Variants in C1orf21 observed in about 807,000 individuals in gnomAD.
C1orf21 encodes the protein uncharacterized protein C1orf21.
In C1orf21, 3 loss-of-function variants were observed where a neutral mutation model predicts 18.7. The ratio of observed to expected loss-of-function variants is 0.16; its 90% CI spans 0.07 to 0.42. The LOEUF (loss-of-function observed/expected upper bound fraction) is 0.42. C1orf21 is among the 10% of genes least tolerant of loss of function. C1orf21 has a pLI of 0.99. For missense variants in C1orf21, 104 were observed against 143.6 expected (o/e 0.72, Z 1.41); for synonymous variants, 41 against 46.4 (o/e 0.88, Z 0.47).
intron 5 of C1orf21, among the ~76,000 whole-genome samples, chr1:184,611,116 C>A (rs4651223): frequency 1.4e-4 from 21 of 151,962 alleles, no homozygotes; most frequent in African/African-American, 5.1e-4. Context: ...AACAATAACA[C>A]GTGAGTCTAA....
intron 1 of C1orf21, among the ~76,000 whole-genome samples, chr1:184,458,783 G>A (rs1657258643): frequency 6.6e-6 from 1 of 152,114 alleles, no homozygotes. Context: ...AGAGGTTAAA[G>A]GGCATTAAAC....
At chr1:184,581,883 A>G (rs1659281934) in intron 3 of C1orf21, among the ~76,000 whole-genome samples, 1 of 152,266 alleles carries the variant, frequency 6.6e-6, no homozygotes, top group Non-Finnish European at 1.5e-5. Context: ...TTTAATTTAT[A>G]GAAAAATAAC....
chr1:184,568,394 C>T, intron 3 of C1orf21: 1 of 469,336 alleles, frequency 2.1e-6, no homozygotes, highest in Non-Finnish European at 4.4e-6. Flanking sequence ...TCGCTGTTCC[C>T]AGTCACTGGC....
chr1:184,543,762 G>T (rs1055525445), intron 3 of C1orf21, among the ~76,000 whole-genome samples: 1 of 152,170 alleles, frequency 6.6e-6, no homozygotes, highest in African/African-American at 2.4e-5. Flanking sequence ...TGGGGTTGCT[G>T]GTGGTAGGAG....
chr1:184,504,369 G>A (rs927193342), intron 2 of C1orf21, among the ~76,000 whole-genome samples: 23 of 152,106 alleles, frequency 1.5e-4, no homozygotes, highest in Non-Finnish European at 8.8e-5. Flanking sequence ...TGGCTGTAAC[G>A]GTGGCTGTCT....
At chr1:184,485,799 A>G (rs1276579521) in intron 2 of C1orf21, among the ~76,000 whole-genome samples, 3 of 152,300 alleles carry the variant, frequency 2.0e-5, no homozygotes, top group Admixed American at 6.5e-5. Flanking sequence ...TTTTGCTGGC[A>G]TAAGGAAGCT....
At chr1:184,505,620 A>T (rs1396879810) in intron 2 of C1orf21, among the ~76,000 whole-genome samples, 2 of 151,684 alleles carry the variant, frequency 1.3e-5, no homozygotes, top group Non-Finnish European at 2.9e-5. Context: ...AAAATTAGCC[A>T]GGCATGGTAG....
At chr1:184,516,484 C>G (rs1658230475) in intron 3 of C1orf21, among the ~76,000 whole-genome samples, 1 of 152,122 alleles carries the variant, frequency 6.6e-6, no homozygotes, top group African/African-American at 2.4e-5. Flanking sequence ...ATGCTGCTGA[C>G]AAAGACATAC....
At chr1:184,488,885 A>G (rs1657771597) in intron 2 of C1orf21, among the ~76,000 whole-genome samples, 1 of 152,158 alleles carries the variant, frequency 6.6e-6, no homozygotes, top group Non-Finnish European at 1.5e-5. Context: ...GAATTGCTTG[A>G]ACCCAGGAGG....
rs114778010 is a variant in C1orf21 at position 184,408,736 on chromosome 1, T to C, written c.-125+21368T>C. The stretch of plus-strand genomic sequence containing the variant: ...AATCTCTGATAAGCTGCTAACTAGA[T>C]AGAAAGTGAAGGCAATTCCCCTGAA... On this transcript the variant is annotated intron_variant, in intron 1 of 5. Coordinates refer to ENST00000235307, the MANE Select transcript of C1orf21 (RefSeq NM_030806.4). Among the ~76,000 whole-genome samples, 502 of 152,290 alleles carry C rather than the reference T, an allele frequency of 3.3e-3. 1 individual carries two copies. Among genetic ancestry groups the C allele is most frequent in the African/African-American group, 0.011 (467 of 41,564 alleles).
intron 3 of C1orf21, among the ~76,000 whole-genome samples, chr1:184,583,150 AAAG>A (rs1659300460): frequency 6.6e-6 from 1 of 152,056 alleles, no homozygotes; most frequent in Non-Finnish European, 1.5e-5. Flanking sequence ...GGAATGTTTT[AAAG>A]AAGATCCTCT....
Position 184,625,632 on chromosome 1 carries a change from T to C in C1orf21, c.*6076T>C, listed in dbSNP as rs921943014. Reference sequence around the variant, plus strand: ...TGCAATACTTCAAGAAAGAGCTGTATTTTGCCTTTCTGTAATCTCCAAGAT... The same window carrying C: ...TGCAATACTTCAAGAAAGAGCTGTACTTTGCCTTTCTGTAATCTCCAAGAT... On this transcript the variant is annotated 3_prime_UTR_variant, in exon 6 of 6. Coordinates refer to ENST00000235307, the MANE Select transcript of C1orf21 (RefSeq NM_030806.4). 6.6e-6 allele frequency: 1 copy of C among 152,626 alleles called. No homozygotes were observed. Among genetic ancestry groups the C allele is most frequent in the Non-Finnish European group, 1.5e-5 (1 of 68,036 alleles). 9.5% of individuals were successfully genotyped at this position (152,626 alleles called of 1,614,324 possible). A position where few individuals can be genotyped will look rare whatever the true frequency, so the allele number is the denominator to read the frequency against.
At chr1:184,420,416 G>A (rs73063511) in intron 1 of C1orf21, among the ~76,000 whole-genome samples, 5,244 of 152,088 alleles carry the variant, frequency 0.034, 302 homozygotes, top group African/African-American at 0.12. Flanking sequence ...TCTAGTTCTG[G>A]TTAGCTATAA....
At chr1:184,402,517 G>A (rs1383047801) in intron 1 of C1orf21, among the ~76,000 whole-genome samples, 2 of 151,714 alleles carry the variant, frequency 1.3e-5, no homozygotes, top group African/African-American at 4.8e-5. Flanking sequence ...CCAGCTACTC[G>A]GGAGGCTGAG....
chr1:184,489,516 T>C (rs1454503607), intron 2 of C1orf21, among the ~76,000 whole-genome samples: 3 of 152,150 alleles, frequency 2.0e-5, no homozygotes, highest in Admixed American at 2.0e-4. Flanking sequence ...AATAGTAACA[T>C]ATATCAAAAA....
chr1:184,491,606 C>T (rs940212810), intron 2 of C1orf21, among the ~76,000 whole-genome samples: 17 of 152,302 alleles, frequency 1.1e-4, no homozygotes, highest in Non-Finnish European at 1.9e-4. Flanking sequence ...CCCACCTTGG[C>T]CTCCCAAAGT....
At chr1:184,413,104 C>G (rs569658141) in intron 1 of C1orf21, among the ~76,000 whole-genome samples, 1 of 152,198 alleles carries the variant, frequency 6.6e-6, no homozygotes, top group Non-Finnish European at 1.5e-5. Flanking sequence ...TAAAGGAAAC[C>G]TAATCTCTGT....
intron 1 of C1orf21, among the ~76,000 whole-genome samples, chr1:184,413,554 T>C (rs942242540): frequency 6.6e-6 from 1 of 152,200 alleles, no homozygotes; most frequent in Non-Finnish European, 1.5e-5. Flanking sequence ...AGTAAGTCTC[T>C]GAAGTAGCTC....
intron 1 of C1orf21, among the ~76,000 whole-genome samples, chr1:184,440,335 C>T (rs930333543): frequency 6.6e-6 from 1 of 152,150 alleles, no homozygotes; most frequent in South Asian, 2.1e-4. Flanking sequence ...CTCTGCCTCC[C>T]GGGTCCAAGC....
Sources: allele counts gnomAD v4.1 joint callset (sites outside exome capture counted in the v4.1 genomes callset), GRCh38; gene constraint gnomAD v4.1.1; transcripts MANE v1.5; gene names NCBI Gene and HGNC (gene_info 2026-07-23, HGNC 2026-07-21).